EPHA6: variants seen among roughly 807,000 people sequenced by gnomAD.
EPHA6 encodes EPH receptor A6.
Under a neutral mutation model 112.0 loss-of-function variants are expected in EPHA6, and 50 were observed. The ratio of observed to expected loss-of-function variants is 0.45; its 90% CI spans 0.36 to 0.56. The LOEUF (loss-of-function observed/expected upper bound fraction) is 0.56. Among genes scored for constraint, EPHA6 ranks in the 20% least tolerant of loss-of-function variants. The probability of loss-of-function intolerance (pLI) is 0.00; values close to 1 mark genes in which losing one functional copy is unlikely to be tolerated. For synonymous variants in EPHA6, 529 were observed against 490.7 expected (o/e 1.08, Z -1.03); for missense variants, 1,280 against 1,417.4 (o/e 0.90, Z 1.56).
chr3:97,252,954 A>T lies in EPHA6; in HGVS notation c.1606+8667A>T, dbSNP rs146099642. Among the ~76,000 whole-genome samples, 967 of 152,220 alleles carry T rather than the reference A, an allele frequency of 6.4e-3. 7 individuals carry two copies. The highest frequency in any genetic ancestry group is 0.021 in the African/African-American group (881 of 41,506). On this transcript the variant is annotated intron_variant, in intron 5 of 17. Coordinates refer to ENST00000389672, the MANE Select transcript of EPHA6 (RefSeq NM_001080448.3). ...TCTGTGTTACTCAGCAAACCAATAT[A>T]ATCAATGATTCTGACACACTAAATA...
chr3:97,242,498 T>G (rs945203312), intron 4 of EPHA6, among the ~76,000 whole-genome samples: 1 of 151,900 alleles, frequency 6.6e-6, no homozygotes, highest in Non-Finnish European at 1.5e-5. Flanking sequence ...TTTTTGTAAT[T>G]GCAAACATTA....
At position 97,613,762 on chromosome 3, in the gene EPHA6, A is replaced by AT. The variant is rs1472404433; in HGVS notation, c.2574+2908_2574+2909insT. On this transcript the variant is annotated intron_variant, in intron 13 of 17. Coordinates refer to ENST00000389672, the MANE Select transcript of EPHA6 (RefSeq NM_001080448.3). ...CAAATCATCAGCAGCCTGGCTGCCC[A>AT]GAAGGCACAACTTCACCAATGTGCA... Among the ~76,000 whole-genome samples the AT allele has an allele frequency of 2.6e-3, 389 of 152,346 alleles. 4 individuals carry two copies. The highest frequency in any genetic ancestry group is 9.1e-3 in the African/African-American group (379 of 41,584).
chr3:97,009,397 G>T (rs1270454825), intron 3 of EPHA6, among the ~76,000 whole-genome samples: 4 of 152,186 alleles, frequency 2.6e-5, no homozygotes, highest in Non-Finnish European at 2.9e-5. Flanking sequence ...GCTGCATACT[G>T]CCACAGCCAG....
At chr3:96,909,949 C>T (rs1049183292) in intron 2 of EPHA6, among the ~76,000 whole-genome samples, 2 of 151,876 alleles carry the variant, frequency 1.3e-5, no homozygotes, top group South Asian at 2.1e-4. Flanking sequence ...TCTAAGCTTC[C>T]GCCTTTCTGT....
chr3:97,543,534 C>T (rs2092899591), intron 11 of EPHA6, among the ~76,000 whole-genome samples: 1 of 152,138 alleles, frequency 6.6e-6, no homozygotes, highest in African/African-American at 2.4e-5. Flanking sequence ...AGCGTGCTGC[C>T]TCCAGCTTTG....
At chr3:96,993,347 A>T (rs952653682) in intron 3 of EPHA6, among the ~76,000 whole-genome samples, 1 of 150,570 alleles carries the variant, frequency 6.6e-6, no homozygotes, top group South Asian at 2.1e-4. Context: ...ACCAGGCTAG[A>T]GTACAGTGGC....
chr3:97,101,477 G>T (rs1015987568), intron 3 of EPHA6, among the ~76,000 whole-genome samples: 1 of 151,922 alleles, frequency 6.6e-6, no homozygotes, highest in Non-Finnish European at 1.5e-5. Flanking sequence ...ATTTGACTGG[G>T]TGTCATGTTG....
intron 5 of EPHA6, among the ~76,000 whole-genome samples, chr3:97,391,624 G>T (rs1042309316): frequency 6.6e-6 from 1 of 151,886 alleles, no homozygotes; most frequent in African/African-American, 2.4e-5. Flanking sequence ...ATATAAGGAG[G>T]AATAGAAGAG....
At chr3:96,823,458 ATTGCTGACAAACAATCT>A (rs2033423599) in intron 1 of EPHA6, among the ~76,000 whole-genome samples, 1 of 151,770 alleles carries the variant, frequency 6.6e-6, no homozygotes, top group Non-Finnish European at 1.5e-5. Context: ...ATAAGTGTCC[ATTGCTGACAAACAATCT>A]TAGCTAAAAC....
At chr3:97,540,908 G>T (rs1220207759) in intron 11 of EPHA6, among the ~76,000 whole-genome samples, 1 of 152,056 alleles carries the variant, frequency 6.6e-6, no homozygotes, top group South Asian at 2.1e-4. Flanking sequence ...AATCCAAATT[G>T]GGAAGGGCTG....
intron 10 of EPHA6, among the ~76,000 whole-genome samples, chr3:97,523,551 G>C (rs2092575381): frequency 6.6e-6 from 1 of 152,044 alleles, no homozygotes; most frequent in Admixed American, 6.5e-5. Context: ...TGGGGTAAAG[G>C]GTTGTTGAAG....
intron 3 of EPHA6, among the ~76,000 whole-genome samples, chr3:97,187,747 G>GAAA (rs1559784809): frequency 8.1e-6 from 1 of 124,092 alleles, no homozygotes; most frequent in South Asian, 2.8e-4. Context: ...GAAAGAAAGA[G>GAAA]GAAAGAAAGA....
rs181874831 is a variant in EPHA6, at chr3:97,141,562, A to G, written c.1115-84702A>G. Among the ~76,000 whole-genome samples, 30 of 152,242 alleles carry G rather than the reference A, an allele frequency of 2.0e-4. No individual in the cohort carries two copies. In the East Asian group the frequency reaches 5.8e-3, roughly 29 times the overall value. ...CTCAAAACTACACAAAAACATGGAA[A>G]CTAAGCAGATTGCTTCTGAATGACT... is the stretch of plus-strand genomic sequence containing the variant. On this transcript the variant is annotated intron_variant, in intron 3 of 17. Transcript: ENST00000389672.
intron 3 of EPHA6, among the ~76,000 whole-genome samples, chr3:97,156,356 C>A (rs920994041): frequency 6.6e-6 from 1 of 152,006 alleles, no homozygotes; most frequent in Non-Finnish European, 1.5e-5. Context: ...AATAAATATA[C>A]TTAACAAAAT....
In EPHA6 at chr3:96,837,884, C is replaced by G. The variant is rs560122006; in HGVS notation, c.385+22876C>G. On this transcript the variant is annotated intron_variant, in intron 1 of 17. Coordinates refer to ENST00000389672, the MANE Select transcript of EPHA6 (RefSeq NM_001080448.3). The stretch of plus-strand genomic sequence containing the variant: ...TTTTTATTTAAATTTCCAAATTTTA[C>G]TTTAAGTTCAAGGGTAAATATGCAG... Among the ~76,000 whole-genome samples, 13 of 151,854 alleles carry G rather than the reference C, an allele frequency of 8.6e-5. No individual in the cohort carries two copies. The South Asian group carries it at 2.5e-3, about 29-fold the overall frequency.
intron 5 of EPHA6, among the ~76,000 whole-genome samples, chr3:97,375,016 G>A (rs1035930518): frequency 6.6e-6 from 1 of 152,050 alleles, no homozygotes; most frequent in Admixed American, 6.6e-5. Context: ...TGCTAGCACT[G>A]GGTACACAAA....
intron 3 of EPHA6, among the ~76,000 whole-genome samples, chr3:97,053,422 A>T (rs550491032): frequency 2.0e-5 from 3 of 152,142 alleles, no homozygotes; most frequent in Non-Finnish European, 4.4e-5. Flanking sequence ...AAAGAATTAA[A>T]GGAAAGTATA....
intron 3 of EPHA6, among the ~76,000 whole-genome samples, chr3:97,175,254 A>G (rs940622674): frequency 1.3e-5 from 2 of 151,934 alleles, no homozygotes; most frequent in African/African-American, 2.4e-5. Context: ...CCATTGGTCT[A>G]TGTTTCCATT....
chr3:97,589,608 A>G (rs1461135336), intron 11 of EPHA6, among the ~76,000 whole-genome samples: 2 of 152,160 alleles, frequency 1.3e-5, no homozygotes, highest in Non-Finnish European at 2.9e-5. Context: ...GCCTTTCCTC[A>G]GTCCTAATTT....
Sources: allele counts gnomAD v4.1 joint callset (sites outside exome capture counted in the v4.1 genomes callset), GRCh38; gene constraint gnomAD v4.1.1; transcripts MANE v1.5; gene names NCBI Gene and HGNC (gene_info 2026-07-23, HGNC 2026-07-21).